The following IMPACT variants were observed in gnomAD, a reference collection of about 807,000 sequenced individuals.
IMPACT encodes protein IMPACT.
Under a neutral mutation model 47.5 loss-of-function variants are expected in IMPACT, and 35 were observed. The observed-to-expected ratio is 0.74, with a 90% CI of 0.56 to 0.98. The LOEUF is 0.98. Ranked by LOEUF, IMPACT falls within the 50% of genes least tolerant of loss-of-function variation. The probability of loss-of-function intolerance (pLI) is 0.00; values close to 1 mark genes in which losing one functional copy is unlikely to be tolerated. For synonymous variants in IMPACT, 118 were observed against 125.6 expected (o/e 0.94, Z 0.40); for missense variants, 373 against 394.8 (o/e 0.94, Z 0.47).
At chr18:24,437,552 C>T (rs2144338775) in intron 4 of IMPACT, among the ~76,000 whole-genome samples, 1 of 152,180 alleles carries the variant, frequency 6.6e-6, no homozygotes, top group East Asian at 1.9e-4. Flanking sequence ...ATAAGTGTAC[C>T]AAATAAGGGG....
intron 5 of IMPACT, among the ~76,000 whole-genome samples, chr18:24,438,954 T>G (rs935543580): frequency 5.3e-5 from 8 of 152,132 alleles, no homozygotes; most frequent in Admixed American, 1.3e-4. Context: ...TTTAAGAAAT[T>G]GGCTTATACA....
chr18:24,432,658 A>G (rs1197570105), intron 4 of IMPACT, among the ~76,000 whole-genome samples: 2 of 151,384 alleles, frequency 1.3e-5, no homozygotes, highest in African/African-American at 4.9e-5. Context: ...CCCCCAACAA[A>G]CTTCTTTCTA....
chr18:24,428,841 A>T, intron 2 of IMPACT, 28 bp from the exon 3 acceptor site: 1 of 1,590,994 alleles, frequency 6.3e-7, no homozygotes, highest in Non-Finnish European at 8.6e-7. Context: ...ATGAAGTGTA[A>T]ACAGATGTTT....
chr18:24,428,767 T>A (rs1908675853), intron 2 of IMPACT, 102 bp from the exon 3 acceptor site: 4 of 796,940 alleles, frequency 5.0e-6, no homozygotes, highest in South Asian at 3.5e-5. Flanking sequence ...TCCTTTCATC[T>A]CTGTCCTCCT....
At chr18:24,433,324 C>T (rs866217247) in intron 4 of IMPACT, among the ~76,000 whole-genome samples, 3 of 149,518 alleles carry the variant, frequency 2.0e-5, no homozygotes, top group Non-Finnish European at 4.5e-5. Flanking sequence ...CTCAGCCTCC[C>T]GAGTAGCTGG....
In IMPACT at chr18:24,443,166, GT is replaced by G; in HGVS notation, c.594+15del. ...TGTCCCAAACAGGTAAAGTTCCTTT[GT>G]CTAGCTCACTTTGATGATTACTAAA... is the stretch of plus-strand genomic sequence containing the variant. On this transcript the variant is annotated intron_variant, in intron 7 of 10. Coordinates refer to ENST00000284202, the MANE Select transcript of IMPACT (RefSeq NM_018439.4). 7.6e-7 allele frequency: 1 copy of G among 1,319,588 alleles called. No homozygotes were observed. Among genetic ancestry groups the G allele is most frequent in the Non-Finnish European group, 1.1e-6 (1 of 934,372 alleles). The allele number at this position is 1,319,588 out of a possible 1,614,324, so 81.7% of individuals were successfully genotyped here. A position where few individuals can be genotyped will look rare whatever the true frequency, so the allele number is the denominator to read the frequency against.
Position 24,451,199 on chromosome 18 carries a change from TA to T in IMPACT, c.*355del, listed in dbSNP as rs1187007439. On this transcript the variant is annotated 3_prime_UTR_variant, in exon 11 of 11. Transcript: ENST00000284202. ...GAGAAGAAATGTCTCTAGAGGAATA[TA>T]AATACCTGATTTCTTGTCATCGAGA... 1 of 162,468 alleles carries T rather than the reference TA, an allele frequency of 6.2e-6. No individual in the cohort carries two copies. Among genetic ancestry groups the T allele is most frequent in the African/African-American group, 2.4e-5 (1 of 41,874 alleles). The allele number at this position is 162,468 out of a possible 1,614,324, so 10.1% of individuals were successfully genotyped here. A position where few individuals can be genotyped will look rare whatever the true frequency, so the allele number is the denominator to read the frequency against.
chr18:24,429,979 A>G (rs982900349), intron 3 of IMPACT, among the ~76,000 whole-genome samples: 3 of 152,054 alleles, frequency 2.0e-5, no homozygotes, highest in Non-Finnish European at 4.4e-5. Context: ...GGGTTTCGCC[A>G]TGTTAGCCAG....
In IMPACT at chr18:24,450,762, A is replaced by G; in HGVS notation, c.895-17A>G. On this transcript the variant is annotated splice_polypyrimidine_tract_variant and intron_variant, in intron 10 of 10. Transcript: ENST00000284202. ...ATGTAAATGGAGAGATGCTGCACTG[A>G]TTTGTGTCTTTTTCAGGAGGAGTCA... The G allele has an allele frequency of 1.9e-6, 3 of 1,577,170 alleles. No homozygotes were observed. The highest frequency in any genetic ancestry group is 1.1e-5 in the South Asian group (1 of 89,778).
In IMPACT at chr18:24,448,189, T is replaced by G. The variant is rs1370883991; in HGVS notation, c.759+6T>G. The G allele has an allele frequency of 6.2e-7, 1 of 1,601,790 alleles. No individual in the cohort carries two copies. Among genetic ancestry groups the G allele is most frequent in the Admixed American group, 1.7e-5 (1 of 59,972 alleles). On this transcript the variant is annotated splice_donor_region_variant and intron_variant, in intron 9 of 10. Coordinates refer to ENST00000284202, the MANE Select transcript of IMPACT (RefSeq NM_018439.4). Reference sequence around the variant, plus strand: ...GTCTTCTTCATCTCATGGAGGTAGGTGTAAGTTAAACTATCAATCCTGTTC... The same window carrying G: ...GTCTTCTTCATCTCATGGAGGTAGGGGTAAGTTAAACTATCAATCCTGTTC...
chr18:24,434,513 C>T (rs1226293705), intron 4 of IMPACT, among the ~76,000 whole-genome samples: 3 of 152,084 alleles, frequency 2.0e-5, no homozygotes, highest in Non-Finnish European at 4.4e-5. Flanking sequence ...TGGCTCATGC[C>T]TGTAATCCCA....
chr18:24,426,786 GAGGC>G lies in IMPACT; in HGVS notation c.34_36+1del. 2 of 1,240,434 alleles carry G rather than the reference GAGGC, an allele frequency of 1.6e-6. No homozygotes were observed. The highest frequency in any genetic ancestry group is 2.0e-6 in the Non-Finnish European group (2 of 989,052). 76.8% of individuals were successfully genotyped at this position (1,240,434 alleles called of 1,614,324 possible). On this transcript the variant is annotated frameshift_variant and splice_region_variant, in exon 1 of 11. Coordinates refer to ENST00000284202, the MANE Select transcript of IMPACT (RefSeq NM_018439.4). LOFTEE classifies it high-confidence loss of function. ...CTGAGGGGGACGCAGGGAGCGACCA[GAGGC>G]AGGTGAGGCCCCGGCGGGGTGCTGT...
chr18:24,436,876 C>G lies in IMPACT; in HGVS notation c.282-1079C>G, dbSNP rs189672511. 6.6e-5 allele frequency among the ~76,000 whole-genome samples: 10 copies of G among 152,210 alleles called. No individual in the cohort carries two copies. The East Asian group carries it at 1.9e-3, about 29-fold the overall frequency. Reference sequence around the variant, plus strand: ...TTATTTCAAAAATCTTCTCATCCAGCTTATAATATTGAAAATTAGGTGACA... The same window carrying G: ...TTATTTCAAAAATCTTCTCATCCAGGTTATAATATTGAAAATTAGGTGACA... On this transcript the variant is annotated intron_variant, in intron 4 of 10. Coordinates refer to ENST00000284202, the MANE Select transcript of IMPACT (RefSeq NM_018439.4).
At chr18:24,429,148 G>A (rs951535403) in intron 3 of IMPACT, among the ~76,000 whole-genome samples, 15 of 152,306 alleles carry the variant, frequency 9.8e-5, no homozygotes, top group Middle Eastern at 3.4e-3. Flanking sequence ...TAGAGGTGAA[G>A]TAGGTACAGA....
Position 24,428,020 on chromosome 18 carries a change from T to G in IMPACT, c.138T>G (p.Asp46Glu). 1 of 1,590,300 alleles carries G rather than the reference T, an allele frequency of 6.3e-7. No homozygotes were observed. Among genetic ancestry groups the G allele is most frequent in the Non-Finnish European group, 8.5e-7 (1 of 1,173,066 alleles). The part of the protein sequence containing the change: ...IFCIRISDDI[D>E]DPKWTLCLQV... ...GTATTAGAATTAGCGACGATATAGA[T>G]GACCCCAAATGGACACTTTGCTTGC... Residue 46 changes from aspartate to glutamate, a missense_variant, in exon 2 of 11, where the codon GAT (aspartate) becomes GAG (glutamate). Physicochemically the swap from Asp to Glu is conservative, Grantham distance 45 (BLOSUM62 2). Transcript: ENST00000284202.
Position 24,449,875 on chromosome 18 carries a change from G to A in IMPACT, c.816G>A (p.Leu272=), listed in dbSNP as rs769543053. ...TATCACGCTGGTATGGAGGGATTCT[G>A]CTAGGACCAGATCGCTTTAAACATA... is the stretch of plus-strand genomic sequence containing the variant. ...VVVSRWYGGI[L]LGPDRFKHIN... Residue 272 remains leucine, a synonymous_variant, in exon 10 of 11, where the codon CTG becomes CTA. Coordinates refer to ENST00000284202, the MANE Select transcript of IMPACT (RefSeq NM_018439.4). The A allele has an allele frequency of 9.9e-6, 16 of 1,613,114 alleles. No homozygotes were observed. The highest frequency in any genetic ancestry group is 1.3e-5 in the Non-Finnish European group (15 of 1,179,290).
At chr18:24,431,956 C>T (rs1172829913) in intron 4 of IMPACT, among the ~76,000 whole-genome samples, 8 of 152,176 alleles carry the variant, frequency 5.3e-5, no homozygotes, top group Non-Finnish European at 7.3e-5. Context: ...CCCACCTTGG[C>T]CTCCCAAAGT....
Position 24,446,701 on chromosome 18 carries a change from TACAA to T in IMPACT, c.668+1240_668+1243del, listed in dbSNP as rs1424772282. On this transcript the variant is annotated intron_variant, in intron 8 of 10. Transcript: ENST00000284202. ...TCACATCTCTTTAAGTGCCAAAACTTACAAACAATTATTTGTTATGTAATTCCCC... is the reference window on the plus strand; with the variant it reads ...TCACATCTCTTTAAGTGCCAAAACTTACAATTATTTGTTATGTAATTCCCC... Among the ~76,000 whole-genome samples the T allele has an allele frequency of 9.8e-5, 15 of 152,318 alleles. 1 individual carries two copies. The East Asian group carries it at 2.9e-3, about 29-fold the overall frequency.
In IMPACT at chr18:24,430,389, G is replaced by C; in HGVS notation, c.281+5G>C. 6.3e-7 allele frequency: 1 copy of C among 1,587,586 alleles called. No homozygotes were observed. The highest frequency in any genetic ancestry group is 8.6e-7 in the Non-Finnish European group (1 of 1,168,350). ...TAGCCTTGAGGAAATATATATGTAA[G>C]TGACAGGCGATTTTTTAAAATAATT... is the stretch of plus-strand genomic sequence containing the variant. On this transcript the variant is annotated splice_donor_5th_base_variant and intron_variant, in intron 4 of 10. Transcript: ENST00000284202.
Sources: allele counts gnomAD v4.1 joint callset (sites outside exome capture counted in the v4.1 genomes callset), GRCh38; gene constraint gnomAD v4.1.1; transcripts MANE v1.5; gene names NCBI Gene and HGNC (gene_info 2026-07-23, HGNC 2026-07-21).